Variants in CACNA2D3 observed in about 807,000 individuals in gnomAD.
CACNA2D3 encodes calcium voltage-gated channel auxiliary subunit alpha2delta 3, also known as voltage-dependent calcium channel subunit alpha-2/delta-3.
A neutral mutation model predicts 160.6 loss-of-function variants in CACNA2D3; 60 were observed. The ratio of observed to expected loss-of-function variants is 0.37; its 90% CI spans 0.30 to 0.46. CACNA2D3 has a LOEUF of 0.46. Among genes scored for constraint, CACNA2D3 ranks in the 20% least tolerant of loss-of-function variants. CACNA2D3 has a pLI of 1.00. For synonymous variants in CACNA2D3, 558 were observed against 492.9 expected (o/e 1.13, Z -1.75); for missense variants, 1,205 against 1,365.0 (o/e 0.88, Z 1.85).
At chr3:54,336,192 T>A (rs1054620598) in intron 3 of CACNA2D3, among the ~76,000 whole-genome samples, 2 of 152,070 alleles carry the variant, frequency 1.3e-5, no homozygotes, top group Non-Finnish European at 2.9e-5. Flanking sequence ...ATGGACGCCC[T>A]CCTGCTCTGC....
chr3:54,966,873 C>CT (rs59983457), intron 27 of CACNA2D3: 40 of 152,350 alleles, frequency 2.6e-4, no homozygotes, highest in African/African-American at 9.4e-4. Flanking sequence ...ATATTTCTCT[C>CT]TAACTGCTGA....
chr3:54,276,754 G>C (rs1050670711), intron 2 of CACNA2D3, among the ~76,000 whole-genome samples: 1 of 151,974 alleles, frequency 6.6e-6, no homozygotes, highest in Non-Finnish European at 1.5e-5. Context: ...GTTTTTTTCT[G>C]TGCATTTCTT....
chr3:54,199,208 C>T (rs550560583), intron 2 of CACNA2D3, among the ~76,000 whole-genome samples: 1 of 152,234 alleles, frequency 6.6e-6, no homozygotes, highest in South Asian at 2.1e-4. Context: ...TAGTTACTAA[C>T]TCTTTGGCAA....
At chr3:54,766,983 C>T (rs1702237329) in intron 13 of CACNA2D3, among the ~76,000 whole-genome samples, 1 of 149,658 alleles carries the variant, frequency 6.7e-6, no homozygotes, top group African/African-American at 2.5e-5. Context: ...AACCAGAAAC[C>T]AACAGAACTG....
intron 4 of CACNA2D3, among the ~76,000 whole-genome samples, chr3:54,400,702 A>G (rs1022033553): frequency 6.6e-6 from 1 of 152,162 alleles, no homozygotes; most frequent in African/African-American, 2.4e-5. Flanking sequence ...TAGAGTCACC[A>G]TGCCCTACCA....
At chr3:54,400,691 T>A (rs962690887) in intron 4 of CACNA2D3, among the ~76,000 whole-genome samples, 10 of 152,122 alleles carry the variant, frequency 6.6e-5, no homozygotes, top group African/African-American at 2.4e-4. Flanking sequence ...TACTAGGAGC[T>A]TAGAGTCACC....
intron 8 of CACNA2D3, among the ~76,000 whole-genome samples, chr3:54,578,485 G>A (rs1702622820): frequency 6.6e-6 from 1 of 152,246 alleles, no homozygotes; most frequent in South Asian, 2.1e-4. Flanking sequence ...CATCCTTGGG[G>A]TCCCCCTCGG....
At chr3:55,072,980 A>G (rs576566546) in intron 35 of CACNA2D3, among the ~76,000 whole-genome samples, 12 of 152,208 alleles carry the variant, frequency 7.9e-5, no homozygotes, top group Non-Finnish European at 1.2e-4. Context: ...GGAAGGCTCT[A>G]AGAAGTTCAC....
chr3:54,497,699 A>G (rs918523404), intron 4 of CACNA2D3, among the ~76,000 whole-genome samples: 2 of 152,046 alleles, frequency 1.3e-5, no homozygotes, highest in Non-Finnish European at 2.9e-5. Flanking sequence ...GAAAACATTC[A>G]GTGCTTCTTC....
At chr3:54,936,795 CAG>C in intron 27 of CACNA2D3, among the ~76,000 whole-genome samples, 1 of 152,266 alleles carries the variant, frequency 6.6e-6, no homozygotes, top group Admixed American at 6.5e-5. Flanking sequence ...GCATGACTAT[CAG>C]AGTTTTGAGG....
At chr3:54,762,597 T>C (rs774104623) in intron 12 of CACNA2D3, among the ~76,000 whole-genome samples, 1 of 152,232 alleles carries the variant, frequency 6.6e-6, no homozygotes, top group Non-Finnish European at 1.5e-5. Flanking sequence ...AATGTGTGAA[T>C]GAAGGGCTCC....
chr3:54,169,925 T>C (rs763397320), intron 2 of CACNA2D3, among the ~76,000 whole-genome samples: 1 of 152,120 alleles, frequency 6.6e-6, no homozygotes, highest in African/African-American at 2.4e-5. Flanking sequence ...TGGTGGCTCA[T>C]GCCTGTAATC....
intron 11 of CACNA2D3, among the ~76,000 whole-genome samples, chr3:54,661,926 C>T (rs921429140): frequency 1.5e-4 from 23 of 150,760 alleles, no homozygotes; most frequent in Non-Finnish European, 7.4e-5. Flanking sequence ...GTGAAATATC[C>T]CCCCTGGATC....
chr3:54,626,081 C>G (rs1459443478), intron 9 of CACNA2D3: 1 of 569,580 alleles, frequency 1.8e-6, no homozygotes, highest in African/African-American at 1.9e-5. Flanking sequence ...ACTCCCCCTG[C>G]CAGTTTCCCC....
intron 11 of CACNA2D3, among the ~76,000 whole-genome samples, chr3:54,660,895 G>A (rs1007966856): frequency 6.6e-6 from 1 of 152,138 alleles, no homozygotes; most frequent in Non-Finnish European, 1.5e-5. Context: ...GTTCTATTCT[G>A]CTCACTCCTC....
intron 17 of CACNA2D3, among the ~76,000 whole-genome samples, chr3:54,858,733 T>C (rs769673828): frequency 5.9e-5 from 9 of 152,194 alleles, no homozygotes; most frequent in Non-Finnish European, 1.2e-4. Context: ...AACCTAGCCT[T>C]ACCCTCACTC....
intron 2 of CACNA2D3, among the ~76,000 whole-genome samples, chr3:54,135,438 C>T (rs1699797044): frequency 6.6e-6 from 1 of 152,248 alleles, no homozygotes; most frequent in Non-Finnish European, 1.5e-5. Context: ...CAATGGTCTG[C>T]TCTCTTCCCC....
At chr3:54,280,615 C>A (rs12489761) in intron 2 of CACNA2D3, among the ~76,000 whole-genome samples, 1,596 of 152,202 alleles carry the variant, frequency 0.01, 27 homozygotes, top group Admixed American at 0.045. Flanking sequence ...AGACTTGATT[C>A]CCCGCCACAG....
At chr3:54,522,933 T>TTTACTTACTTACTTACTTAC (rs61291743) in intron 5 of CACNA2D3, among the ~76,000 whole-genome samples, 2 of 135,340 alleles carry the variant, frequency 1.5e-5, no homozygotes, top group African/African-American at 2.8e-5. Context: ...TATTTATTTA[T>TTTACTTACTTACTTACTTAC]TTACTTACTT....
Sources: gnomAD v4.1 joint callset for allele counts (sites outside exome capture counted in the v4.1 genomes callset) on GRCh38, gnomAD v4.1.1 for gene constraint, MANE v1.5 for transcripts, NCBI Gene and HGNC (gene_info 2026-07-23, HGNC 2026-07-21) for gene names.